The following DMXL1 variants were observed in gnomAD, a reference collection of about 807,000 sequenced individuals.
DMXL1 encodes dmX-like protein 1.
DMXL1 carries 99 observed loss-of-function variants against 319.2 expected under a neutral mutation model. That is an observed-to-expected ratio of 0.31 (90% confidence interval 0.26 to 0.37). DMXL1 has a LOEUF of 0.37. Among genes scored for constraint, DMXL1 ranks in the 10% least tolerant of loss-of-function variants. The pLI, the probability that DMXL1 is intolerant of heterozygous loss-of-function variation, is 1.00. For missense variants in DMXL1, 3,745 were observed against 3,595.6 expected, an observed-to-expected ratio of 1.04 and a Z score of -1.06; for synonymous variants, 1,385 against 1,235.2, an observed-to-expected ratio of 1.12 and a Z score of -2.54.
intron 19 of DMXL1, among the ~76,000 whole-genome samples, chr5:119,153,893 C>A (rs1352038628): frequency 6.6e-6 from 1 of 152,180 alleles, no homozygotes; most frequent in African/African-American, 2.4e-5. Flanking sequence ...CTTTCAGCAC[C>A]GTTTTTCCAA....
At chr5:119,168,442 T>C (rs1236762072) in intron 23 of DMXL1, among the ~76,000 whole-genome samples, 2 of 152,214 alleles carry the variant, frequency 1.3e-5, no homozygotes, top group African/African-American at 2.4e-5. Flanking sequence ...TTTTCAGATA[T>C]GTTTTCATAG....
intron 1 of DMXL1, among the ~76,000 whole-genome samples, chr5:119,089,680 C>CA (rs1481102823): frequency 2.7e-5 from 4 of 146,698 alleles, no homozygotes; most frequent in Admixed American, 7.0e-5. Flanking sequence ...GGCTGGTGTG[C>CA]AATGGCGCAA....
chr5:119,173,776 G>GTGTGTGTGTGTGTGTGTATATATA, intron 25 of DMXL1, among the ~76,000 whole-genome samples: 1 of 67,170 alleles, frequency 1.5e-5, no homozygotes, highest in African/African-American at 5.6e-5. Flanking sequence ...ATGTGTGTGT[G>GTGTGTGTGTGTGTGTGTATATATA]TATATATATA....
intron 1 of DMXL1, among the ~76,000 whole-genome samples, chr5:119,085,115 G>C (rs1314500806): frequency 6.6e-6 from 1 of 152,038 alleles, no homozygotes; most frequent in African/African-American, 2.4e-5. Context: ...GATCACATGA[G>C]GCCAAGAGTT....
At chr5:119,093,555 T>A (rs1383423792) in intron 1 of DMXL1, among the ~76,000 whole-genome samples, 1 of 152,192 alleles carries the variant, frequency 6.6e-6, no homozygotes, top group Non-Finnish European at 1.5e-5. Context: ...CACAATGATA[T>A]AGAAATTATG....
chr5:119,074,040 T>G (rs1750258684), intron 1 of DMXL1, among the ~76,000 whole-genome samples: 1 of 151,866 alleles, frequency 6.6e-6, no homozygotes, highest in South Asian at 2.1e-4. Context: ...TGCCTCAGCC[T>G]CCTGAGAAGC....
At chr5:119,120,443 A>G (rs1761795268) in intron 8 of DMXL1, among the ~76,000 whole-genome samples, 1 of 152,246 alleles carries the variant, frequency 6.6e-6, no homozygotes, top group Non-Finnish European at 1.5e-5. Flanking sequence ...GGTTCTATAT[A>G]GACCATTTTA....
intron 5 of DMXL1, among the ~76,000 whole-genome samples, chr5:119,112,848 T>C (rs763717247): frequency 6.6e-6 from 1 of 151,948 alleles, no homozygotes; most frequent in African/African-American, 2.4e-5. Context: ...TCCCAGCTAC[T>C]TGGGAGGCTG....
rs192392121 is a variant in DMXL1, at chr5:119,204,035, G to A, written c.7863+599G>A. 5.6e-3 allele frequency among the ~76,000 whole-genome samples: 850 copies of A among 152,020 alleles called. 8 individuals carry two copies. The highest frequency in any genetic ancestry group is 0.02 in the African/African-American group (818 of 41,438). ...GACGGGGTTTCACTGTGTTAGCCAGGATGGTCTCGATCTCCTGACCTGGTG... is the reference window on the plus strand; with the variant it reads ...GACGGGGTTTCACTGTGTTAGCCAGAATGGTCTCGATCTCCTGACCTGGTG... On this transcript the variant is annotated intron_variant, in intron 33 of 43. Coordinates refer to ENST00000539542, the MANE Select transcript of DMXL1 (RefSeq NM_001290321.3).
intron 1 of DMXL1, among the ~76,000 whole-genome samples, chr5:119,080,001 A>C (rs1751831774): frequency 1.3e-5 from 2 of 152,172 alleles, no homozygotes. Context: ...CCCTGTCTTT[A>C]GCTTCATATT....
intron 1 of DMXL1, among the ~76,000 whole-genome samples, chr5:119,082,020 T>TATACACACACAC (rs1200957102): frequency 9.2e-6 from 1 of 108,164 alleles, no homozygotes; most frequent in Non-Finnish European, 1.7e-5. Context: ...TATATATATA[T>TATACACACACAC]ACACACACAC....
At chr5:119,240,165 C>T (rs562619266) in intron 41 of DMXL1, among the ~76,000 whole-genome samples, 9 of 152,006 alleles carry the variant, frequency 5.9e-5, no homozygotes, top group East Asian at 5.8e-4. Flanking sequence ...CCCAGCTACT[C>T]GGGACATTGA....
Position 119,247,042 on chromosome 5 carries a change from A to G in DMXL1, c.8970A>G (p.Glu2990=). 1.2e-6 allele frequency: 2 copies of G among 1,614,036 alleles called. No homozygotes were observed. The change falls in exon 44 of 44, where the codon GAA becomes GAG. Residue 2990 remains glutamate, a synonymous_variant. Coordinates refer to ENST00000539542, the MANE Select transcript of DMXL1 (RefSeq NM_001290321.3). ...TFGLLHTFVS[E]HARQSIFRNI... ...GTCTTCTCCATACTTTTGTCAGTGA[A>G]CATGCTCGGCAGTCCATTTTTAGAA...
At chr5:119,172,036 A>G (rs957071893) in intron 25 of DMXL1, 67 bp downstream of exon 25, 2 of 1,403,296 alleles carry the variant, frequency 1.4e-6, no homozygotes, top group Admixed American at 2.4e-5. Flanking sequence ...ATAAATATTA[A>G]GGCTTTTTTT....
chr5:119,160,467 T>G (rs1336285629), intron 19 of DMXL1, among the ~76,000 whole-genome samples: 1 of 152,238 alleles, frequency 6.6e-6, no homozygotes, highest in African/African-American at 2.4e-5. Context: ...GTATCTATTC[T>G]GGGGAATATT....
chr5:119,194,062 G>T lies in DMXL1; in HGVS notation c.7457+92G>T, dbSNP rs563919754. The T allele has an allele frequency of 2.2e-4, 203 of 929,556 alleles. No homozygotes were observed. The African/African-American group carries it at 3.0e-3, about 14-fold the overall frequency. The allele number at this position is 929,556 out of a possible 1,614,324, so 57.6% of individuals were successfully genotyped here. ...AAATTACATGTGAAATTAATAGCTTGTTGACTTTATAACACATTATAACCC... is the reference window on the plus strand; with the variant it reads ...AAATTACATGTGAAATTAATAGCTTTTTGACTTTATAACACATTATAACCC... On this transcript the variant is annotated intron_variant, in intron 30 of 43. Coordinates refer to ENST00000539542, the MANE Select transcript of DMXL1 (RefSeq NM_001290321.3).
At chr5:119,085,333 A>AAAATAAATAAATAAAT (rs202033508) in intron 1 of DMXL1, among the ~76,000 whole-genome samples, 11 of 150,808 alleles carry the variant, frequency 7.3e-5, no homozygotes, top group African/African-American at 2.7e-4. Flanking sequence ...CTTTGTCTCA[A>AAAATAAATAAATAAAT]AAATAAATAA....
chr5:119,130,162 G>T (rs1217970360), intron 10 of DMXL1, among the ~76,000 whole-genome samples: 1 of 151,942 alleles, frequency 6.6e-6, no homozygotes, highest in Non-Finnish European at 1.5e-5. Flanking sequence ...CATTAGGTAA[G>T]AAAAATCAAA....
chr5:119,222,687 T>A (rs989308609), intron 37 of DMXL1, among the ~76,000 whole-genome samples: 15 of 152,144 alleles, frequency 9.9e-5, no homozygotes, highest in African/African-American at 3.6e-4. Flanking sequence ...TTCTAAAAAA[T>A]TTCAGATTTC....
Sources: gnomAD v4.1 joint callset for allele counts (sites outside exome capture counted in the v4.1 genomes callset) on GRCh38, gnomAD v4.1.1 for gene constraint, MANE v1.5 for transcripts, NCBI Gene and HGNC (gene_info 2026-07-23, HGNC 2026-07-21) for gene names.